Variants in ACVR1 observed in about 807,000 individuals in gnomAD.
ACVR1 encodes activin receptor type-1.
Under a neutral mutation model 57.1 loss-of-function variants are expected in ACVR1, and 38 were observed. The observed-to-expected ratio is 0.67, with a 90% confidence interval of 0.51 to 0.87. The LOEUF is 0.87. ACVR1 is among the 40% of genes least tolerant of loss of function. ACVR1 has a pLI of 0.00. For synonymous variants in ACVR1, 212 were observed against 228.1 expected, an observed-to-expected ratio of 0.93 and a Z score of 0.63; for missense variants, 463 against 638.2, an observed-to-expected ratio of 0.73 and a Z score of 2.96.
chr2:157,823,777 T>G (rs946683528), intron 1 of ACVR1, among the ~76,000 whole-genome samples: 6 of 152,182 alleles, frequency 3.9e-5, no homozygotes, highest in Non-Finnish European at 5.9e-5. Flanking sequence ...GGTTTGGTGG[T>G]CCATCAAAAT....
chr2:157,840,400 C>T (rs1271913876), intron 1 of ACVR1, among the ~76,000 whole-genome samples: 6 of 152,224 alleles, frequency 3.9e-5, no homozygotes, highest in Admixed American at 2.0e-4. Context: ...AACATAAATA[C>T]GCATATCATA....
chr2:157,857,816 T>C (rs1689587463), intron 1 of ACVR1, among the ~76,000 whole-genome samples: 2 of 152,170 alleles, frequency 1.3e-5, no homozygotes, highest in Non-Finnish European at 2.9e-5. Context: ...TTAGGGAAGA[T>C]GGAGAGAAAA....
intron 1 of ACVR1, among the ~76,000 whole-genome samples, chr2:157,826,942 A>G (rs2105339457): frequency 6.6e-6 from 1 of 151,448 alleles, no homozygotes; most frequent in South Asian, 2.1e-4. Flanking sequence ...AGAAAGAGAG[A>G]AACAGAGAGA....
At chr2:157,821,131 G>A (rs767318177) in intron 1 of ACVR1, among the ~76,000 whole-genome samples, 3 of 152,104 alleles carry the variant, frequency 2.0e-5, no homozygotes, top group Non-Finnish European at 2.9e-5. Flanking sequence ...AGGCAAGCTC[G>A]GCACACCTGA....
In ACVR1 at chr2:157,876,282, C is replaced by A. The variant is rs1690298273; in HGVS notation, c.-669G>T. 7.0e-6 allele frequency among the ~76,000 whole-genome samples: 1 copy of A among 142,850 alleles called. No individual in the cohort carries two copies. The highest frequency in any genetic ancestry group is 1.5e-5 in the Non-Finnish European group (1 of 64,772). 93.7% of individuals were successfully genotyped at this position (142,850 alleles called of 152,430 possible). ...ACCGTCACAGAGAGTAGAAAAGTTC[C>A]CCCTGCGCCGAGGGGGAGGCTGCGG... On this transcript the variant is annotated 5_prime_UTR_variant, in exon 1 of 11. Coordinates refer to ENST00000434821, the MANE Select transcript of ACVR1 (RefSeq NM_001111067.4).
intron 2 of ACVR1, among the ~76,000 whole-genome samples, chr2:157,804,111 G>A (rs945632032): frequency 1.4e-4 from 21 of 152,170 alleles, no homozygotes; most frequent in Non-Finnish European, 2.5e-4. Context: ...ATCATTGGAA[G>A]AAGGAGGACC....
intron 10 of ACVR1, among the ~76,000 whole-genome samples, chr2:157,737,924 C>T (rs948371282): frequency 6.6e-6 from 1 of 152,054 alleles, no homozygotes; most frequent in South Asian, 2.1e-4. Flanking sequence ...CAGATTGGAC[C>T]CCTTAATGAT....
At position 157,774,085 on chromosome 2, in the gene ACVR1, T is replaced by C; in HGVS notation, c.643+3A>G. The C allele has an allele frequency of 1.2e-6, 2 of 1,613,180 alleles. No individual in the cohort carries two copies. The highest frequency in any genetic ancestry group is 1.7e-6 in the Non-Finnish European group (2 of 1,179,204). Reference sequence around the variant, plus strand: ...CCACAAAGAAAGGAAAAAAAAGAATTACCGACACACTCCAACAGTGTAATC... The same window carrying C: ...CCACAAAGAAAGGAAAAAAAAGAATCACCGACACACTCCAACAGTGTAATC... On this transcript the variant is annotated splice_donor_region_variant and intron_variant, in intron 6 of 10. Transcript: ENST00000434821.
At chr2:157,765,822 G>T in intron 8 of ACVR1, 99 bp downstream of exon 8, 1 of 1,287,220 alleles carries the variant, frequency 7.8e-7, no homozygotes, top group South Asian at 1.3e-5. Context: ...CTGCATGTTT[G>T]AAATTTTGCA....
intron 8 of ACVR1, among the ~76,000 whole-genome samples, chr2:157,765,272 T>C (rs1014270008): frequency 6.6e-6 from 1 of 152,248 alleles, no homozygotes; most frequent in Non-Finnish European, 1.5e-5. Flanking sequence ...ATTATTTTCC[T>C]ATTTCTTAAC....
At chr2:157,756,131 G>A (rs1270917348) in intron 9 of ACVR1, among the ~76,000 whole-genome samples, 1 of 152,050 alleles carries the variant, frequency 6.6e-6, no homozygotes, top group Non-Finnish European at 1.5e-5. Flanking sequence ...AATGAAACTG[G>A]ATCCTCATCC....
At chr2:157,804,173 CT>C (rs1315023928) in intron 2 of ACVR1, among the ~76,000 whole-genome samples, 1 of 152,188 alleles carries the variant, frequency 6.6e-6, no homozygotes, top group Non-Finnish European at 1.5e-5. Flanking sequence ...TTGGACAACA[CT>C]TCAAGTAACT....
At chr2:157,819,076 TCAA>T (rs1311466979) in intron 1 of ACVR1, among the ~76,000 whole-genome samples, 2 of 30,840 alleles carry the variant, frequency 6.5e-5, no homozygotes, top group African/African-American at 1.7e-4. Flanking sequence ...AGACTCCGTC[TCAA>T]AAAAAAAAAA....
chr2:157,813,308 T>A (rs1687816633), intron 2 of ACVR1, among the ~76,000 whole-genome samples: 1 of 152,176 alleles, frequency 6.6e-6, no homozygotes, highest in Admixed American at 6.5e-5. Flanking sequence ...TATATGGGAA[T>A]TTATACTATA....
intron 1 of ACVR1, among the ~76,000 whole-genome samples, chr2:157,854,485 G>A (rs1366725572): frequency 6.6e-6 from 1 of 152,210 alleles, no homozygotes; most frequent in African/African-American, 2.4e-5. Context: ...CCCTTTGGGA[G>A]GCCGAGGCGG....
At chr2:157,861,144 T>C (rs1689705118) in intron 1 of ACVR1, among the ~76,000 whole-genome samples, 1 of 152,202 alleles carries the variant, frequency 6.6e-6, no homozygotes. Flanking sequence ...CAAACAGAAC[T>C]GTACATCCCA....
intron 6 of ACVR1, among the ~76,000 whole-genome samples, chr2:157,771,538 G>A (rs914679431): frequency 1.3e-5 from 2 of 152,228 alleles, no homozygotes; most frequent in Non-Finnish European, 2.9e-5. Context: ...TTGCAGGGCA[G>A]TGGGGCTTTC....
At chr2:157,809,245 A>C (rs1039278191) in intron 2 of ACVR1, among the ~76,000 whole-genome samples, 1 of 152,192 alleles carries the variant, frequency 6.6e-6, no homozygotes, top group Admixed American at 6.5e-5. Context: ...ACCTTGGAAA[A>C]GAATTCTCTT....
chr2:157,759,760 T>C (rs1467812590), intron 9 of ACVR1, among the ~76,000 whole-genome samples: 2 of 152,118 alleles, frequency 1.3e-5, no homozygotes, highest in African/African-American at 2.4e-5. Context: ...AAGTGGGATT[T>C]ATTCTTGGGA....
Sources: gnomAD v4.1 joint callset for allele counts (sites outside exome capture counted in the v4.1 genomes callset) on GRCh38, gnomAD v4.1.1 for gene constraint, MANE v1.5 for transcripts, NCBI Gene and HGNC (gene_info 2026-07-23, HGNC 2026-07-21) for gene names.